Variants in ARID4B observed in about 807,000 individuals in gnomAD.
The protein encoded by ARID4B is AT-rich interaction domain 4B, also known as AT-rich interactive domain-containing protein 4B.
A neutral mutation model predicts 147.5 loss-of-function variants in ARID4B; 26 were observed. The ratio of observed to expected loss-of-function variants is 0.18; its 90% CI spans 0.13 to 0.24. ARID4B has a LOEUF of 0.24. ARID4B is among the 10% of genes least tolerant of loss of function. The pLI is 1.00. For synonymous variants in ARID4B, 512 were observed against 507.9 expected (o/e 1.01, Z -0.11); for missense variants, 1,179 against 1,511.5 (o/e 0.78, Z 3.65).
intron 2 of ARID4B, among the ~76,000 whole-genome samples, chr1:235,295,580 G>A (rs1339627814): frequency 6.6e-6 from 1 of 151,772 alleles, no homozygotes. Context: ...GGGAGGCCAA[G>A]GCAGGCGGAT....
chr1:235,293,928 T>G (rs1169744688), intron 2 of ARID4B, among the ~76,000 whole-genome samples: 2 of 152,204 alleles, frequency 1.3e-5, no homozygotes, highest in East Asian at 3.9e-4. Context: ...TGTCAGAAAT[T>G]TCAGTATATT....
chr1:235,313,552 AAC>A (rs1674229007), intron 2 of ARID4B, among the ~76,000 whole-genome samples: 1 of 152,158 alleles, frequency 6.6e-6, no homozygotes, highest in Non-Finnish European at 1.5e-5. Flanking sequence ...ACCACATCAG[AAC>A]AGTATTCTGA....
intron 2 of ARID4B, among the ~76,000 whole-genome samples, chr1:235,325,162 T>C (rs1344174827): frequency 1.3e-5 from 2 of 152,164 alleles, no homozygotes; most frequent in African/African-American, 4.8e-5. Context: ...GAAGTACTTG[T>C]ATGAAGTTAG....
At chr1:235,198,988 A>G (rs1042383799) in intron 17 of ARID4B, among the ~76,000 whole-genome samples, 8 of 152,036 alleles carry the variant, frequency 5.3e-5, no homozygotes, top group Non-Finnish European at 1.2e-4. Flanking sequence ...AATCCTAGCT[A>G]CTCGGGAGGC....
intron 7 of ARID4B, among the ~76,000 whole-genome samples, chr1:235,245,523 A>T (rs1043195416): frequency 6.6e-6 from 1 of 152,190 alleles, no homozygotes; most frequent in African/African-American, 2.4e-5. Flanking sequence ...TTGACAAATA[A>T]GAGACTATTT....
At chr1:235,280,022 G>A (rs994303448) in intron 2 of ARID4B, among the ~76,000 whole-genome samples, 2 of 152,200 alleles carry the variant, frequency 1.3e-5, no homozygotes, top group South Asian at 2.1e-4. Context: ...AATCGCAGCC[G>A]TAAACATGAC....
chr1:235,281,411 C>T (rs1572146699), intron 2 of ARID4B, among the ~76,000 whole-genome samples: 1 of 152,030 alleles, frequency 6.6e-6, no homozygotes, highest in African/African-American at 2.4e-5. Context: ...ATCAGCTGGG[C>T]GTGGTGGTGC....
intron 17 of ARID4B, among the ~76,000 whole-genome samples, chr1:235,210,202 G>C (rs1239149813): frequency 6.6e-6 from 1 of 151,946 alleles, no homozygotes; most frequent in East Asian, 1.9e-4. Context: ...TCCAGCCTGG[G>C]TGACAGAACA....
At chr1:235,298,095 C>A (rs934507782) in intron 2 of ARID4B, among the ~76,000 whole-genome samples, 1 of 151,930 alleles carries the variant, frequency 6.6e-6, no homozygotes, top group South Asian at 2.1e-4. Flanking sequence ...AGATACATAC[C>A]GAAATACATA....
chr1:235,327,138 C>T, intron 1 of ARID4B, 170 bp from the exon 2 acceptor site: 1 of 578,092 alleles, frequency 1.7e-6, no homozygotes, highest in East Asian at 2.9e-5. Flanking sequence ...GCCCCGCCAT[C>T]CCCGCAAACC....
intron 4 of ARID4B, among the ~76,000 whole-genome samples, chr1:235,256,190 A>AAAAAAAAAT (rs1558251948): frequency 1.3e-5 from 2 of 151,416 alleles, no homozygotes; most frequent in Non-Finnish European, 2.9e-5. Flanking sequence ...AAAAAAAAAA[A>AAAAAAAAAT]GTGCCAGCAG....
intron 2 of ARID4B, among the ~76,000 whole-genome samples, chr1:235,282,773 A>G (rs905413303): frequency 2.6e-5 from 4 of 152,066 alleles, no homozygotes; most frequent in African/African-American, 9.7e-5. Flanking sequence ...CATACTATTT[A>G]ATTTTATTTA....
chr1:235,195,213 A>G (rs1017024201), intron 18 of ARID4B, among the ~76,000 whole-genome samples: 1 of 152,160 alleles, frequency 6.6e-6, no homozygotes, highest in East Asian at 1.9e-4. Context: ...TTAGTCTTAG[A>G]ATGAATAATT....
intron 2 of ARID4B, among the ~76,000 whole-genome samples, chr1:235,314,993 G>A (rs1239635453): frequency 6.6e-6 from 1 of 152,044 alleles, no homozygotes; most frequent in Non-Finnish European, 1.5e-5. Flanking sequence ...GAAATCAAAA[G>A]GTTATCAATT....
intron 2 of ARID4B, among the ~76,000 whole-genome samples, chr1:235,268,418 C>A (rs539283928): frequency 1.3e-5 from 2 of 151,928 alleles, no homozygotes; most frequent in Non-Finnish European, 2.9e-5. Context: ...TCTAGGTGTG[C>A]GTGTGTGTCC....
At chr1:235,271,816 G>A (rs1024433105) in intron 2 of ARID4B, among the ~76,000 whole-genome samples, 1 of 151,612 alleles carries the variant, frequency 6.6e-6, no homozygotes, top group Non-Finnish European at 1.5e-5. Flanking sequence ...TGGCCATGGT[G>A]GCAGGCACCT....
chr1:235,220,214 T>C (rs1471052315), intron 15 of ARID4B, 88 bp downstream of exon 15: 3 of 1,193,550 alleles, frequency 2.5e-6, no homozygotes, highest in East Asian at 5.0e-5. Context: ...AAGAATAATA[T>C]TATACAATAT....
chr1:235,237,546 G>A (rs1477378077), intron 8 of ARID4B, among the ~76,000 whole-genome samples: 1 of 152,144 alleles, frequency 6.6e-6, no homozygotes, highest in Non-Finnish European at 1.5e-5. Flanking sequence ...AAGCAGTGGA[G>A]ATAAAGAAAT....
In ARID4B at chr1:235,326,948, A is replaced by G; in HGVS notation, c.-29T>C. The G allele has an allele frequency of 6.2e-7, 1 of 1,613,372 alleles. No homozygotes were observed. The highest frequency in any genetic ancestry group is 8.5e-7 in the Non-Finnish European group (1 of 1,179,404). ...GACTCTGGGACCAAGGTATCCTCTA[A>G]AACACCAGGTTCAGCTGCACCTGGA... On this transcript the variant is annotated 5_prime_UTR_variant, in exon 2 of 24. Coordinates refer to ENST00000264183, the MANE Select transcript of ARID4B (RefSeq NM_016374.6).
Sources: gnomAD v4.1 joint callset for allele counts (sites outside exome capture counted in the v4.1 genomes callset) on GRCh38, gnomAD v4.1.1 for gene constraint, MANE v1.5 for transcripts, NCBI Gene and HGNC (gene_info 2026-07-23, HGNC 2026-07-21) for gene names.